NEDD4: variants seen among roughly 807,000 people sequenced by gnomAD.
NEDD4 encodes E3 ubiquitin-protein ligase NEDD4.
NEDD4 carries 99 observed loss-of-function variants against 144.9 expected under a neutral mutation model. The ratio of observed to expected loss-of-function variants is 0.68; its 90% CI spans 0.58 to 0.81. The LOEUF (loss-of-function observed/expected upper bound fraction) is 0.81. Among genes scored for constraint, NEDD4 ranks in the 30% least tolerant of loss-of-function variants. The pLI, the probability that NEDD4 is intolerant of heterozygous loss-of-function variation, is 0.00. For synonymous variants in NEDD4, 318 were observed against 350.6 expected (o/e 0.91, Z 1.04); for missense variants, 985 against 1,065.9 (o/e 0.92, Z 1.06).
intron 18 of NEDD4, 37 bp downstream of exon 18, chr15:55,846,932 T>C: frequency 8.0e-7 from 1 of 1,250,340 alleles, no homozygotes; most frequent in Non-Finnish European, 1.2e-6. Flanking sequence ...ATCTATATAT[T>C]GATGACTCTT....
At chr15:55,942,666 A>G (rs1248578046) in intron 4 of NEDD4, among the ~76,000 whole-genome samples, 1 of 152,202 alleles carries the variant, frequency 6.6e-6, no homozygotes, top group Admixed American at 6.5e-5. Context: ...TTTTCTTTAT[A>G]AACTGCTCAG....
chr15:55,952,675 G>A (rs2037263842), intron 2 of NEDD4: 1 of 152,238 alleles, frequency 6.6e-6, no homozygotes, highest in South Asian at 2.1e-4. Flanking sequence ...TGAGTCAGGA[G>A]TCCTCTTGTT....
chr15:55,880,753 G>A (rs1004305375), intron 5 of NEDD4, among the ~76,000 whole-genome samples: 7 of 152,102 alleles, frequency 4.6e-5, no homozygotes, highest in African/African-American at 1.7e-4. Flanking sequence ...ACTGGAGCAG[G>A]AAGACAGCTA....
intron 4 of NEDD4, among the ~76,000 whole-genome samples, chr15:55,945,662 C>A (rs546638106): frequency 1.7e-4 from 26 of 152,092 alleles, no homozygotes; most frequent in Middle Eastern, 3.4e-3. Flanking sequence ...ACAGATAACA[C>A]CACAAAGATA....
chr15:55,912,669 T>C (rs2036313630), intron 5 of NEDD4, among the ~76,000 whole-genome samples: 1 of 152,140 alleles, frequency 6.6e-6, no homozygotes, highest in Non-Finnish European at 1.5e-5. Context: ...TTTAGAAATC[T>C]GAATAGCAAT....
At chr15:55,967,215 A>G (rs2037528806) in intron 1 of NEDD4, among the ~76,000 whole-genome samples, 1 of 152,166 alleles carries the variant, frequency 6.6e-6, no homozygotes, top group Admixed American at 6.6e-5. Context: ...TACTTAGAAA[A>G]GGTTATTTTT....
intron 5 of NEDD4, among the ~76,000 whole-genome samples, chr15:55,891,605 C>T (rs1047260686): frequency 6.6e-6 from 1 of 152,080 alleles, no homozygotes; most frequent in African/African-American, 2.4e-5. Context: ...TTTAAGAATG[C>T]CTGAAAGTCT....
Position 55,850,546 on chromosome 15 carries a change from G to C in NEDD4, c.1343C>G (p.Thr448Ser). 6.2e-7 allele frequency: 1 copy of C among 1,614,010 alleles called. No homozygotes were observed. Residue 448 changes from threonine to serine, a missense_variant, in exon 14 of 29, where the codon ACC (threonine) becomes AGC (serine). Transcript: ENST00000435532. The stretch of plus-strand genomic sequence containing the variant: ...ATGGAAAAGTATCAAAGTTACCCAG[G>C]TGGTGGTTTTAGTGTTGTGGTCAAT... ...FFIDHNTKTTTWEDPRLKIPA... is the reference protein window; with the variant it reads ...FFIDHNTKTTSWEDPRLKIPA...
intron 1 of NEDD4, among the ~76,000 whole-genome samples, chr15:55,981,260 C>A (rs910871186): frequency 1.3e-5 from 2 of 152,010 alleles, no homozygotes; most frequent in Non-Finnish European, 2.9e-5. Context: ...TATCACCTCA[C>A]CACCATGTTG....
rs1303331298 is a variant in NEDD4, at chr15:55,975,168, CA to C, written c.46-8623del. On this transcript the variant is annotated intron_variant, in intron 1 of 28. Transcript: ENST00000435532. ...TCGGCCTCTCAAAGTGCTGGGATTACAGGCGTGTGCCACTGTGCCCGGCCGC... is the reference window on the plus strand; with the variant it reads ...TCGGCCTCTCAAAGTGCTGGGATTACGGCGTGTGCCACTGTGCCCGGCCGC... Among the ~76,000 whole-genome samples, 62 of 152,160 alleles carry C rather than the reference CA, an allele frequency of 4.1e-4. 1 individual carries two copies. Among genetic ancestry groups the C allele is most frequent in the African/African-American group, 1.4e-3 (60 of 41,518 alleles).
chr15:55,990,379 C>T (rs1245445759), intron 1 of NEDD4, among the ~76,000 whole-genome samples: 1 of 152,040 alleles, frequency 6.6e-6, no homozygotes. Flanking sequence ...TACTACCTCT[C>T]CCAGTCAGAA....
chr15:55,897,159 G>C (rs560164555), intron 5 of NEDD4, among the ~76,000 whole-genome samples: 1 of 152,194 alleles, frequency 6.6e-6, no homozygotes, highest in Non-Finnish European at 1.5e-5. Context: ...TATTTTTGTA[G>C]AGATGGGGTT....
rs754905603 is a variant in NEDD4 at position 55,963,128 on chromosome 15, C to CTT, written c.119+3343_119+3344dup. On this transcript the variant is annotated intron_variant, in intron 2 of 28. Coordinates refer to ENST00000435532, the MANE Select transcript of NEDD4 (RefSeq NM_006154.4). ...CATTTGCTTCTCCTTTTCTGGCACTCTTTTTTATTTTTTTTTTTTTTGAGA... is the reference window on the plus strand; with the variant it reads ...CATTTGCTTCTCCTTTTCTGGCACTCTTTTTTTTATTTTTTTTTTTTTTGAGA... Among the ~76,000 whole-genome samples the CTT allele has an allele frequency of 1.1e-4, 16 of 142,760 alleles. 1 individual carries two copies. Among genetic ancestry groups the CTT allele is most frequent in the African/African-American group, 2.3e-4 (9 of 38,778 alleles). The allele number at this position is 142,760 out of a possible 152,430, so 93.7% of individuals were successfully genotyped here.
At chr15:55,966,718 G>GT (rs139731640) in intron 1 of NEDD4, among the ~76,000 whole-genome samples, 172 bp from the exon 2 acceptor site, 303 of 152,188 alleles carry the variant, frequency 2.0e-3, no homozygotes, top group African/African-American at 6.9e-3. Flanking sequence ...AAAATTATTT[G>GT]TAGATGACCT....
At chr15:55,890,783 A>G (rs1388822496) in intron 5 of NEDD4, among the ~76,000 whole-genome samples, 3 of 152,164 alleles carry the variant, frequency 2.0e-5, no homozygotes, top group Admixed American at 6.5e-5. Flanking sequence ...TAAGATTTCA[A>G]TTCCTCCCCT....
At chr15:55,852,618 T>C in intron 12 of NEDD4, 75 bp from the exon 13 acceptor site, 1 of 1,388,260 alleles carries the variant, frequency 7.2e-7, no homozygotes, top group Admixed American at 1.8e-5. Context: ...AAGTTCCCTC[T>C]GTCCCTATGT....
chr15:55,902,993 T>A (rs4640119), intron 5 of NEDD4, among the ~76,000 whole-genome samples: 1 of 151,760 alleles, frequency 6.6e-6, no homozygotes, highest in Non-Finnish European at 1.5e-5. Context: ...AGAGCGAGAC[T>A]CCATCTCAAA....
chr15:55,915,505 GTGGTCTTTC>G, intron 5 of NEDD4: 1 of 1,613,798 alleles, frequency 6.2e-7, no homozygotes, highest in Non-Finnish European at 8.5e-7. Flanking sequence ...ATCTGTGAAT[GTGGTCTTTC>G]CAATTCTCCA....
intron 14 of NEDD4, among the ~76,000 whole-genome samples, chr15:55,849,366 AG>A (rs1351065409): frequency 6.6e-6 from 1 of 152,126 alleles, no homozygotes; most frequent in Non-Finnish European, 1.5e-5. Context: ...CTGGGATTAC[AG>A]GCATGCACCA....
Sources: gnomAD v4.1 joint callset for allele counts (sites outside exome capture counted in the v4.1 genomes callset) on GRCh38, gnomAD v4.1.1 for gene constraint, MANE v1.5 for transcripts, NCBI Gene and HGNC (gene_info 2026-07-23, HGNC 2026-07-21) for gene names.